ZBTB40: variants seen among roughly 807,000 people sequenced by gnomAD.
ZBTB40 encodes zinc finger and BTB domain-containing protein 40.
A neutral mutation model predicts 117.5 loss-of-function variants in ZBTB40; 60 were observed. That is an observed-to-expected ratio of 0.51 (90% CI 0.41 to 0.63). The LOEUF (loss-of-function observed/expected upper bound fraction) is 0.63. Among genes scored for constraint, ZBTB40 ranks in the 30% least tolerant of loss-of-function variants. The pLI is 0.00. For missense variants in ZBTB40, 1,287 were observed against 1,498.5 expected, an observed-to-expected ratio of 0.86 and a Z score of 2.33; for synonymous variants, 525 against 577.1, an observed-to-expected ratio of 0.91 and a Z score of 1.29.
At chr1:22,487,154 T>C (rs1364172818) in intron 1 of ZBTB40, among the ~76,000 whole-genome samples, 6 of 152,224 alleles carry the variant, frequency 3.9e-5, no homozygotes, top group African/African-American at 1.4e-4. Context: ...GTTGTTGATT[T>C]TTCAGTTTGT....
intron 1 of ZBTB40, among the ~76,000 whole-genome samples, chr1:22,455,481 A>T (rs1329046208): frequency 6.6e-6 from 1 of 152,224 alleles, no homozygotes; most frequent in Non-Finnish European, 1.5e-5. Context: ...ATCAGAAGAC[A>T]CATTCTAACC....
rs555995462 is a variant in ZBTB40, at chr1:22,468,465, C to CTTT, written c.-70+16486_-70+16488dup. On this transcript the variant is annotated intron_variant, in intron 1 of 17. Transcript: ENST00000375647. ...TTAAAATTTAAAATGTTAATGTTTC[C>CTTT]TTTTTTTTTTTTTTTTTTTTTTTTT... Among the ~76,000 whole-genome samples, 22 of 51,722 alleles carry CTTT rather than the reference C, an allele frequency of 4.3e-4. 1 individual carries two copies. Among genetic ancestry groups the CTTT allele is most frequent in the Admixed American group, 6.7e-4 (3 of 4,488 alleles). The allele number at this position is 51,722 out of a possible 152,430, so 33.9% of individuals were successfully genotyped here.
At chr1:22,455,357 C>T (rs907619043) in intron 1 of ZBTB40, among the ~76,000 whole-genome samples, 7 of 152,098 alleles carry the variant, frequency 4.6e-5, no homozygotes, top group Non-Finnish European at 8.8e-5. Flanking sequence ...GGATAATGTT[C>T]GGGTTCATAA....
At chr1:22,474,739 C>T (rs1331240893) in intron 1 of ZBTB40, among the ~76,000 whole-genome samples, 2 of 152,110 alleles carry the variant, frequency 1.3e-5, no homozygotes, top group Admixed American at 6.5e-5. Flanking sequence ...TAGTTTCCTC[C>T]TTTAAAAAGG....
At chr1:22,488,838 G>C (rs1412823147) in intron 1 of ZBTB40, among the ~76,000 whole-genome samples, 1 of 152,138 alleles carries the variant, frequency 6.6e-6, no homozygotes, top group Non-Finnish European at 1.5e-5. Flanking sequence ...GAGGCATGGA[G>C]GCTAATTAGG....
At chr1:22,476,343 C>T (rs759557391) in intron 1 of ZBTB40, among the ~76,000 whole-genome samples, 4 of 152,184 alleles carry the variant, frequency 2.6e-5, no homozygotes, top group African/African-American at 4.8e-5. Context: ...CTCAGCCTCC[C>T]GAGTAGCTGA....
Position 22,528,113 on chromosome 1 carries a change from G to T in ZBTB40, c.*1717G>T, listed in dbSNP as rs1411812263. 1 of 152,804 alleles carries T rather than the reference G, an allele frequency of 6.5e-6. No individual in the cohort carries two copies. Among genetic ancestry groups the T allele is most frequent in the Non-Finnish European group, 1.5e-5 (1 of 68,044 alleles). 9.5% of individuals were successfully genotyped at this position (152,804 alleles called of 1,614,324 possible). A position where few individuals can be genotyped will look rare whatever the true frequency, so the allele number is the denominator to read the frequency against. ...CAAACCTTTAAGACTTCATCTCCAT[G>T]TGAAGGGCTCACTGTTTCTACCAAG... On this transcript the variant is annotated 3_prime_UTR_variant, in exon 18 of 18. Transcript: ENST00000375647.
chr1:22,435,906 TA>T (rs78821662), intron 1 of ZBTB40, among the ~76,000 whole-genome samples: 51,916 of 144,554 alleles, frequency 0.36, 10,618 homozygotes, highest in Non-Finnish European at 0.47. Context: ...CCATCTTTAC[TA>T]AAAAAAAAAA....
chr1:22,451,548 G>A (rs1262852985), upstream of ZBTB40, among the ~76,000 whole-genome samples: 1 of 152,106 alleles, frequency 6.6e-6, no homozygotes, highest in Admixed American at 6.5e-5. Context: ...GGGAGGCTGA[G>A]GCAGGAGAAT....
chr1:22,501,712 G>T, intron 4 of ZBTB40, 28 bp downstream of exon 4: 5 of 1,607,972 alleles, frequency 3.1e-6, no homozygotes, highest in Non-Finnish European at 4.2e-6. Flanking sequence ...GCATTGGAAT[G>T]GCAGGGTTTT....
chr1:22,501,095 A>G (rs904182869), intron 3 of ZBTB40, among the ~76,000 whole-genome samples: 12 of 152,306 alleles, frequency 7.9e-5, no homozygotes, highest in Admixed American at 7.2e-4. Flanking sequence ...AGGCTATGCT[A>G]TTTGCTGCGG....
At chr1:22,431,384 G>GTGTATGTATATATATATATATATA (rs1222294324) in intron 1 of ZBTB40, among the ~76,000 whole-genome samples, 1 of 119,710 alleles carries the variant, frequency 8.4e-6, no homozygotes, top group African/African-American at 3.7e-5. Flanking sequence ...GTGTGTGTGT[G>GTGTATGTATATATATATATATATA]TATATATATA....
chr1:22,483,208 C>A (rs1569821442), intron 1 of ZBTB40, among the ~76,000 whole-genome samples: 1 of 151,952 alleles, frequency 6.6e-6, no homozygotes, highest in Non-Finnish European at 1.5e-5. Flanking sequence ...ATATCTACTT[C>A]TTGGTTGCTT....
In ZBTB40 at chr1:22,513,993, G is replaced by A. The variant is rs1375965892; in HGVS notation, c.2668+863G>A. 6.6e-6 allele frequency among the ~76,000 whole-genome samples: 1 copy of A among 152,242 alleles called. No homozygotes were observed. The highest frequency in any genetic ancestry group is 1.5e-5 in the Non-Finnish European group (1 of 68,048). On this transcript the variant is annotated intron_variant, in intron 12 of 17. Coordinates refer to ENST00000375647, the MANE Select transcript of ZBTB40 (RefSeq NM_014870.4). This position sits in a 1 kb window ranked among gnomAD's most constrained non-coding sequence, Gnocchi z 4.9. ...CGTGGATCAGACAGTGGCAGATGCC[G>A]AGTGGCTGAGCTGGGATTCCTGTGT...
At position 22,431,245 on chromosome 1, in the gene ZBTB40, CATATACAATATTGTATATATTGAAT is replaced by C. The variant is rs1374915627; in HGVS notation, c.-70+2261_-70+2285del. Among the ~76,000 whole-genome samples, 577 of 90,790 alleles carry C rather than the reference CATATACAATATTGTATATATTGAAT, an allele frequency of 6.4e-3. 27 individuals carry two copies. Among genetic ancestry groups the C allele is most frequent in the Admixed American group, 0.06 (507 of 8,478 alleles). The allele number at this position is 90,790 out of a possible 152,430, so 59.6% of individuals were successfully genotyped here. ...ATTAGGAGCATTTATATATAGTATG[CATATACAATATTGTATATATTGAAT>C]ATATACAATATTGTATATATTGAAT... On this transcript the variant is annotated intron_variant, in intron 1 of 8. Coordinates refer to the ZBTB40 transcript ENST00000650433.
chr1:22,500,658 A>G (rs1557509380), intron 3 of ZBTB40, among the ~76,000 whole-genome samples: 1 of 152,210 alleles, frequency 6.6e-6, no homozygotes, highest in Non-Finnish European at 1.5e-5. Flanking sequence ...CGAAAGGTCA[A>G]GTGGCACAAA....
At chr1:22,489,527 A>T (rs1638564146) in intron 1 of ZBTB40, among the ~76,000 whole-genome samples, 1 of 152,118 alleles carries the variant, frequency 6.6e-6, no homozygotes, top group South Asian at 2.1e-4. Context: ...GTGTAGTTAG[A>T]GCTTCGAAGT....
chr1:22,478,935 T>C (rs959449144), intron 1 of ZBTB40, among the ~76,000 whole-genome samples: 52 of 152,348 alleles, frequency 3.4e-4, no homozygotes, highest in African/African-American at 1.1e-3. Context: ...GGTGTCTCTT[T>C]ACATGTAATG....
chr1:22,450,300 G>C (rs553208315), upstream of ZBTB40, among the ~76,000 whole-genome samples: 1 of 152,170 alleles, frequency 6.6e-6, no homozygotes, highest in East Asian at 1.9e-4. Flanking sequence ...CACCCTTCTA[G>C]GTGTTTGTTT....
Sources: gnomAD v4.1 joint callset for allele counts (sites outside exome capture counted in the v4.1 genomes callset) on GRCh38, gnomAD v4.1.1 for gene constraint, Gnocchi (gnomAD v3.1) non-coding constraint, MANE v1.5 for transcripts, NCBI Gene and HGNC (gene_info 2026-07-23, HGNC 2026-07-21) for gene names.